SRGAP1: variants seen among roughly 807,000 people sequenced by gnomAD.
SRGAP1 encodes the protein SLIT-ROBO Rho GTPase activating protein 1.
Under a neutral mutation model 121.9 loss-of-function variants are expected in SRGAP1, and 43 were observed. The observed-to-expected ratio is 0.35, with a 90% confidence interval of 0.28 to 0.46. The LOEUF (loss-of-function observed/expected upper bound fraction) is 0.46. SRGAP1 is among the 20% of genes least tolerant of loss of function. SRGAP1 has a pLI of 1.00. For synonymous variants in SRGAP1, 447 were observed against 485.4 expected, an observed-to-expected ratio of 0.92 and a Z score of 1.04; for missense variants, 1,102 against 1,350.9, an observed-to-expected ratio of 0.82 and a Z score of 2.89.
chr12:63,913,478 G>GATATATATATATATATATATAT (rs143358798), intron 1 of SRGAP1, among the ~76,000 whole-genome samples: 1 of 130,986 alleles, frequency 7.6e-6, no homozygotes. Context: ...TATATATATG[G>GATATATATATATATATATATAT]ATATATATAT....
At chr12:63,944,433 C>G (rs1258832383) in intron 1 of SRGAP1, among the ~76,000 whole-genome samples, 1 of 152,160 alleles carries the variant, frequency 6.6e-6, no homozygotes, top group Non-Finnish European at 1.5e-5. Flanking sequence ...GAGGGAGCTC[C>G]CTGGGGCACT....
chr12:63,914,921 G>A (rs574049548), intron 1 of SRGAP1, among the ~76,000 whole-genome samples: 69 of 152,232 alleles, frequency 4.5e-4, no homozygotes, highest in Non-Finnish European at 7.8e-4. Flanking sequence ...CCTTGCTGTG[G>A]AAGGATGTTA....
intron 3 of SRGAP1, among the ~76,000 whole-genome samples, chr12:64,013,565 A>G (rs1233529768): frequency 6.6e-6 from 1 of 152,220 alleles, no homozygotes; most frequent in African/African-American, 2.4e-5. Flanking sequence ...GAGGATAGCC[A>G]AGGGTCTACC....
chr12:63,881,534 G>A (rs568279077), intron 1 of SRGAP1, among the ~76,000 whole-genome samples: 2 of 152,230 alleles, frequency 1.3e-5, no homozygotes, highest in South Asian at 2.1e-4. Context: ...TCAAGTTACC[G>A]TCTTTGAGCC....
intron 1 of SRGAP1, chr12:63,887,498 G>C (rs1900428354): frequency 6.6e-6 from 1 of 152,238 alleles, no homozygotes; most frequent in Admixed American, 6.5e-5. Context: ...CGAGAAGCAA[G>C]TCTGAGGGGA....
intron 1 of SRGAP1, among the ~76,000 whole-genome samples, chr12:63,909,168 A>G (rs1294541407): frequency 1.3e-5 from 2 of 152,226 alleles, no homozygotes; most frequent in African/African-American, 2.4e-5. Context: ...GATTACAGGC[A>G]TGAGCCACCA....
chr12:63,909,833 C>T (rs1274300338), intron 1 of SRGAP1, among the ~76,000 whole-genome samples: 2 of 152,240 alleles, frequency 1.3e-5, no homozygotes, highest in Non-Finnish European at 2.9e-5. Context: ...CTCAGGCAGG[C>T]ATTGATGCTG....
intron 1 of SRGAP1, among the ~76,000 whole-genome samples, chr12:63,933,088 T>C (rs1471440222): frequency 6.6e-6 from 1 of 152,144 alleles, no homozygotes; most frequent in Non-Finnish European, 1.5e-5. Flanking sequence ...CTCAGGAGGC[T>C]GAAGCAGGAG....
intron 1 of SRGAP1, among the ~76,000 whole-genome samples, chr12:63,898,089 A>C (rs1161182253): frequency 6.6e-6 from 1 of 152,242 alleles, no homozygotes; most frequent in Non-Finnish European, 1.5e-5. Flanking sequence ...CCTGCAAACT[A>C]CTGGGGGAGA....
At chr12:63,854,532 G>A (rs1179856188) in intron 1 of SRGAP1, among the ~76,000 whole-genome samples, 2 of 152,048 alleles carry the variant, frequency 1.3e-5, no homozygotes, top group African/African-American at 4.8e-5. Flanking sequence ...GATAATCCGT[G>A]GGTGCACGAG....
In SRGAP1 at chr12:63,966,135, A is replaced by G. The variant is rs542712299; in HGVS notation, c.68-17812A>G. ...GTGCCCAGCCAAAAGTGCATTTTTCATAGGCATAATCACTACCCCAAATGG... is the reference window on the plus strand; with the variant it reads ...GTGCCCAGCCAAAAGTGCATTTTTCGTAGGCATAATCACTACCCCAAATGG... On this transcript the variant is annotated intron_variant, in intron 1 of 21. Transcript: ENST00000355086. 3.3e-5 allele frequency among the ~76,000 whole-genome samples: 5 copies of G among 152,316 alleles called. 1 individual carries two copies. In the South Asian group the frequency reaches 1.0e-3, roughly 32 times the overall value.
intron 4 of SRGAP1, among the ~76,000 whole-genome samples, chr12:64,037,368 A>C (rs917058507): frequency 6.6e-6 from 1 of 152,160 alleles, no homozygotes; most frequent in Non-Finnish European, 1.5e-5. Flanking sequence ...AGGCCTTATA[A>C]CTGTCATCGT....
intron 1 of SRGAP1, among the ~76,000 whole-genome samples, chr12:63,881,924 A>G (rs1395610315): frequency 6.6e-6 from 1 of 152,220 alleles, no homozygotes; most frequent in African/African-American, 2.4e-5. Context: ...CTAAAACTCT[A>G]GAAAAATAAT....
At chr12:64,005,913 T>C (rs1348588349) in intron 3 of SRGAP1, among the ~76,000 whole-genome samples, 1 of 152,188 alleles carries the variant, frequency 6.6e-6, no homozygotes, top group Non-Finnish European at 1.5e-5. Flanking sequence ...ATAACCTTTA[T>C]GTGATAGGCA....
intron 1 of SRGAP1, chr12:63,871,906 T>A: frequency 1.4e-6 from 2 of 1,448,062 alleles, no homozygotes; most frequent in Non-Finnish European, 1.9e-6. Context: ...ATTGGCTTTG[T>A]CTGCCCACCA....
chr12:64,118,417 A>G (rs1000371869), intron 18 of SRGAP1, among the ~76,000 whole-genome samples: 4 of 151,630 alleles, frequency 2.6e-5, no homozygotes, highest in Admixed American at 1.3e-4. Context: ...CTAGAGGCAC[A>G]TTCTACCACA....
intron 21 of SRGAP1, among the ~76,000 whole-genome samples, chr12:64,133,278 C>T (rs1205964667): frequency 1.3e-5 from 2 of 152,210 alleles, no homozygotes; most frequent in Non-Finnish European, 2.9e-5. Flanking sequence ...TAATAGCCCC[C>T]ACCCTACCAG....
At chr12:64,090,713 G>A (rs139723088) in intron 11 of SRGAP1, among the ~76,000 whole-genome samples, 324 of 152,236 alleles carry the variant, frequency 2.1e-3, no homozygotes, top group African/African-American at 7.6e-3. Flanking sequence ...GATGGCATGC[G>A]CCTGTAGTCC....
chr12:63,925,322 A>G (rs897341115), intron 1 of SRGAP1, among the ~76,000 whole-genome samples: 1 of 152,240 alleles, frequency 6.6e-6, no homozygotes, highest in Non-Finnish European at 1.5e-5. Context: ...CTAAGCTTTT[A>G]CACTTTCTGA....
Sources: gnomAD v4.1 joint callset for allele counts (sites outside exome capture counted in the v4.1 genomes callset) on GRCh38, gnomAD v4.1.1 for gene constraint, MANE v1.5 for transcripts, NCBI Gene and HGNC (gene_info 2026-07-23, HGNC 2026-07-21) for gene names.